The following PCNT variants were observed in gnomAD, a reference collection of about 807,000 sequenced individuals.
PCNT encodes the protein kendrin.
In PCNT, 319 loss-of-function variants were observed where a neutral mutation model predicts 380.4. That is an observed-to-expected ratio of 0.84 (90% CI 0.77 to 0.92). The LOEUF (loss-of-function observed/expected upper bound fraction) is 0.92, where lower values mean the gene tolerates loss of function less well. Among genes scored for constraint, PCNT ranks in the 40% least tolerant of loss-of-function variants. PCNT has a pLI of 0.00. For missense variants in PCNT, 4,400 were observed against 4,255.3 expected, an observed-to-expected ratio of 1.03 and a Z score of -0.95; for synonymous variants, 1,845 against 1,735.2, an observed-to-expected ratio of 1.06 and a Z score of -1.57.
chr21:46,425,422 G>A lies in PCNT; in HGVS notation c.7180-409G>A, dbSNP rs959388098. ...TGGGTGGCCATCGTGTGGCCTTCTC[G>A]TAGCGTCCCAGGTGGGCAGGGAGTG... On this transcript the variant is annotated intron_variant, in intron 32 of 46. Transcript: ENST00000359568. The surrounding 1 kb of genome is among the most constrained non-coding windows in gnomAD (Gnocchi z 4.2). 3.3e-5 allele frequency among the ~76,000 whole-genome samples: 5 copies of A among 152,352 alleles called. No individual in the cohort carries two copies. In the South Asian group the frequency reaches 1.0e-3, roughly 32 times the overall value.
rs2330436 is a variant in PCNT at position 46,426,028 on chromosome 21, T to C, written c.7320+57T>C. 0.091 allele frequency: 143,456 copies of C among 1,574,424 alleles called. 11,701 individuals carry two copies. The highest frequency in any genetic ancestry group is 0.44 in the African/African-American group (32,278 of 73,418). Reference sequence around the variant, plus strand: ...AAAGGATTTAAGGAGCTTGTGGTAATGGCCGCGTCCTTAGGGCCACGTGGA... The same window carrying C: ...AAAGGATTTAAGGAGCTTGTGGTAACGGCCGCGTCCTTAGGGCCACGTGGA... On this transcript the variant is annotated intron_variant, in intron 33 of 46. Transcript: ENST00000359568.
chr21:46,373,036 T>C (rs2147023554), intron 15 of PCNT, among the ~76,000 whole-genome samples: 1 of 152,036 alleles, frequency 6.6e-6, no homozygotes, highest in African/African-American at 2.4e-5. Flanking sequence ...TTGTTGTTGT[T>C]TTGGAGGGAG....
At chr21:46,357,247 C>G in intron 13 of PCNT, 56 bp downstream of exon 13, 2 of 1,243,826 alleles carry the variant, frequency 1.6e-6, no homozygotes, top group Non-Finnish European at 2.4e-6. Context: ...CTCTCTTCCA[C>G]CTGGAAGGCT....
rs909136570 is a variant in PCNT, at chr21:46,425,727, C to G, written c.7180-104C>G. On this transcript the variant is annotated intron_variant, in intron 32 of 46. Coordinates refer to ENST00000359568, the MANE Select transcript of PCNT (RefSeq NM_006031.6). The surrounding 1 kb of genome is among the most constrained non-coding windows in gnomAD (Gnocchi z 4.2). ...GGTGCCCTCCCTCTCCACAGCTGCCCGCCCTTCACAGAGTCCTGGCGGCAG... is the reference window on the plus strand; with the variant it reads ...GGTGCCCTCCCTCTCCACAGCTGCCGGCCCTTCACAGAGTCCTGGCGGCAG... 7.8e-6 allele frequency: 12 copies of G among 1,534,304 alleles called. No individual in the cohort carries two copies. Among genetic ancestry groups the G allele is most frequent in the Non-Finnish European group, 9.8e-6 (11 of 1,117,606 alleles).
At position 46,355,532 on chromosome 21, in the gene PCNT, C is replaced by T. The variant is rs758680236; in HGVS notation, c.1842C>T (p.Ile614=). 1.2e-6 allele frequency: 2 copies of T among 1,613,906 alleles called. No homozygotes were observed. Among genetic ancestry groups the T allele is most frequent in the Admixed American group, 3.3e-5 (2 of 60,028 alleles). ...AAGCGCTGGAGTCTCCCCTCTGCAT[C>T]CAGCACGAGGGGCATGTCTCAGACA... ...QLEALESPLC[I]QHEGHVSDRC... The change falls in exon 12 of 47, where the codon ATC becomes ATT. Residue 614 remains isoleucine, a synonymous_variant. Transcript: ENST00000359568.
chr21:46,367,226 G>A (rs577822903), intron 15 of PCNT, 87 bp downstream of exon 15: 53 of 1,111,858 alleles, frequency 4.8e-5, no homozygotes, highest in South Asian at 2.4e-4. Flanking sequence ...GTCTGCGTGC[G>A]TGCTGTGTGT....
At chr21:46,335,886 A>G (rs546939844) in intron 3 of PCNT, among the ~76,000 whole-genome samples, 75 of 151,976 alleles carry the variant, frequency 4.9e-4, no homozygotes, top group African/African-American at 1.8e-3. Flanking sequence ...GGGTTTCCTC[A>G]TGTTGGTCAG....
Position 46,436,024 on chromosome 21 carries a change from C to T in PCNT, c.8872C>T (p.Arg2958Cys), listed in dbSNP as rs756398836. Reference protein sequence around the residue: ...PGSRLHLGSARRAAGSDADHL... With the variant: ...PGSRLHLGSACRAAGSDADHL... ...CAGCCGCCTCCACCTAGGTTCTGCC[C>T]GCAGGGCTGCCGGCTCGGATGCGGA... is the stretch of plus-strand genomic sequence containing the variant. The change falls in exon 39 of 47, where the codon CGC becomes TGC. Residue 2958 changes from arginine (R) to cysteine (C), a missense_variant. Physicochemically the swap from Arg to Cys is radical, Grantham distance 180 (BLOSUM62 -3). Coordinates refer to ENST00000359568, the MANE Select transcript of PCNT (RefSeq NM_006031.6). 18 of 1,613,914 alleles carry T rather than the reference C, an allele frequency of 1.1e-5. No homozygotes were observed. The Admixed American group carries it at 1.2e-4, about 10-fold the overall frequency.
In PCNT at chr21:46,358,628, G is replaced by GTT. The variant is rs35030158; in HGVS notation, c.2154+1450_2154+1451dup. On this transcript the variant is annotated intron_variant, in intron 13 of 46. Coordinates refer to ENST00000359568, the MANE Select transcript of PCNT (RefSeq NM_006031.6). Reference sequence around the variant, plus strand: ...GTTGTTGTTGTTGTTTTGTTGTTTTGTTTTTTTTTTTTTTGAGACTGAGTC... The same window carrying GTT: ...GTTGTTGTTGTTGTTTTGTTGTTTTGTTTTTTTTTTTTTTTTGAGACTGAGTC... Among the ~76,000 whole-genome samples, 1,245 of 142,160 alleles carry GTT rather than the reference G, an allele frequency of 8.8e-3. 10 individuals carry two copies. Among genetic ancestry groups the GTT allele is most frequent in the African/African-American group, 0.021 (834 of 38,898 alleles). The allele number at this position is 142,160 out of a possible 152,430, so 93.3% of individuals were successfully genotyped here.
chr21:46,333,279 A>C (rs2083614590), intron 2 of PCNT, among the ~76,000 whole-genome samples: 2 of 151,928 alleles, frequency 1.3e-5, no homozygotes, highest in Admixed American at 1.3e-4. Context: ...TAAAAATACA[A>C]AAATTAGCTG....
chr21:46,411,152 A>T, intron 27 of PCNT, 37 bp from the exon 28 acceptor site: 1 of 1,598,804 alleles, frequency 6.3e-7, no homozygotes, highest in Non-Finnish European at 8.6e-7. Context: ...GGAAGTGGAT[A>T]CATTTAATTT....
At chr21:46,362,750 C>T (rs111402589) in intron 13 of PCNT, among the ~76,000 whole-genome samples, 17 of 152,072 alleles carry the variant, frequency 1.1e-4, no homozygotes, top group Middle Eastern at 3.4e-3. Context: ...TCAAGATCAG[C>T]CTGGGCAACA....
In PCNT at chr21:46,436,057, C is replaced by T. The variant is rs201154205; in HGVS notation, c.8905C>T (p.Arg2969Trp). The T allele has an allele frequency of 4.8e-5, 77 of 1,613,482 alleles. No homozygotes were observed. The highest frequency in any genetic ancestry group is 3.0e-5 in the Non-Finnish European group (35 of 1,179,972). ...TGCCGGCTCGGATGCGGACCACCTC[C>T]GGGAACAGCAGCGAGAGCTGGAGGC... is the stretch of plus-strand genomic sequence containing the variant. ...RAAGSDADHL[R>W]EQQRELEAMR... The change falls in exon 39 of 47, where the codon CGG becomes TGG. Residue 2969 changes from arginine (R) to tryptophan (W), a missense_variant. Physicochemically the swap from Arg to Trp is moderately radical, Grantham distance 101. Transcript: ENST00000359568.
rs191534296 is a variant in PCNT, at chr21:46,372,400, G to T, written c.3165+5261G>T. Among the ~76,000 whole-genome samples, 9 of 151,808 alleles carry T rather than the reference G, an allele frequency of 5.9e-5. No individual in the cohort carries two copies. In the East Asian group the frequency reaches 1.7e-3, roughly 29 times the overall value. On this transcript the variant is annotated intron_variant, in intron 15 of 46. Transcript: ENST00000359568. ...GCACATGCTCATACACGCAGCACAT[G>T]CACACATACACAGCACATGCACACA...
intron 38 of PCNT, among the ~76,000 whole-genome samples, chr21:46,434,832 A>G (rs1826358020): frequency 6.6e-6 from 1 of 152,162 alleles, no homozygotes; most frequent in Non-Finnish European, 1.5e-5. Context: ...CTATGTTGGT[A>G]TGAGCGTCTG....
rs372281909 is a variant in PCNT, at chr21:46,388,309, A to C, written c.3465-433A>C. Reference sequence around the variant, plus strand: ...TCTTCCTGCCACACAACTCCTGTGAATGTGTGGCTGAGGCGTGACTTGGTG... The same window carrying C: ...TCTTCCTGCCACACAACTCCTGTGACTGTGTGGCTGAGGCGTGACTTGGTG... On this transcript the variant is annotated intron_variant, in intron 17 of 46. Transcript: ENST00000359568. This position sits in a 1 kb window ranked among gnomAD's most constrained non-coding sequence, Gnocchi z 4.2. Among the ~76,000 whole-genome samples, 1 of 152,046 alleles carries C rather than the reference A, an allele frequency of 6.6e-6. No individual in the cohort carries two copies. Among genetic ancestry groups the C allele is most frequent in the East Asian group, 1.9e-4 (1 of 5,172 alleles).
In PCNT at chr21:46,432,212, G is replaced by A. The variant is rs1337703776; in HGVS notation, c.8748G>A (p.Lys2916=). Residue 2916 remains lysine (K), a synonymous_variant, in exon 38 of 47, where the codon AAG becomes AAA. Transcript: ENST00000359568. Reference sequence around the variant, plus strand: ...GGAAGTGGCAGAGAGACAAGGAGAAGCTGGTGAGAGCCGCCTGCCGGCGGA... The same window carrying A: ...GGAAGTGGCAGAGAGACAAGGAGAAACTGGTGAGAGCCGCCTGCCGGCGGA... The part of the protein sequence containing the change: ...QWRKWQRDKE[K]LRELELQRQR... 6.2e-7 allele frequency: 1 copy of A among 1,606,742 alleles called. No individual in the cohort carries two copies. Among genetic ancestry groups the A allele is most frequent in the East Asian group, 2.2e-5 (1 of 44,700 alleles).
intron 11 of PCNT, 71 bp downstream of exon 11, chr21:46,354,139 T>C: frequency 2.3e-6 from 3 of 1,322,582 alleles, no homozygotes; most frequent in Non-Finnish European, 3.3e-6. Flanking sequence ...TCTTCCACAT[T>C]ATAGAGCCTG....
At chr21:46,336,522 T>C (rs528913576) in intron 3 of PCNT, among the ~76,000 whole-genome samples, 2 of 152,336 alleles carry the variant, frequency 1.3e-5, no homozygotes, top group South Asian at 4.1e-4. Flanking sequence ...GTGGCTCCTG[T>C]GTCATGTGTT....
Sources: gnomAD v4.1 joint callset for allele counts (sites outside exome capture counted in the v4.1 genomes callset) on GRCh38, gnomAD v4.1.1 for gene constraint, Gnocchi (gnomAD v3.1) non-coding constraint, MANE v1.5 for transcripts, NCBI Gene and HGNC (gene_info 2026-07-23, HGNC 2026-07-21) for gene names.